Variants in PPP3CA observed in about 807,000 individuals in gnomAD.
PPP3CA encodes the protein CAM-PRP catalytic subunit.
PPP3CA carries 14 observed loss-of-function variants against 66.5 expected under a neutral mutation model. The observed-to-expected ratio is 0.21, with a 90% confidence interval of 0.14 to 0.33. The LOEUF (loss-of-function observed/expected upper bound fraction) is 0.33, where lower values mean the gene tolerates loss of function less well. PPP3CA is among the 10% of genes least tolerant of loss of function. PPP3CA has a pLI of 1.00. For synonymous variants in PPP3CA, 232 were observed against 226.2 expected (o/e 1.03, Z -0.23); for missense variants, 317 against 639.5 (o/e 0.50, Z 5.44).
At chr4:101,254,980 C>T (rs2583407) in intron 1 of PPP3CA, among the ~76,000 whole-genome samples, 65,565 of 146,196 alleles carry the variant, frequency 0.45, 18,235 homozygotes, top group African/African-American at 0.76. Context: ...AGTATGTGAA[C>T]GAAGGATGCC....
chr4:101,093,690 CATT>C (rs920889034), intron 6 of PPP3CA, 83 bp downstream of exon 6: 1 of 1,299,510 alleles, frequency 7.7e-7, no homozygotes, highest in Non-Finnish European at 1.0e-6. Context: ...GTAATACAAA[CATT>C]ATAAATAAAT....
At position 101,346,829 on chromosome 4, in the gene PPP3CA, C is replaced by T. The variant is rs760718644; in HGVS notation, c.-33G>A. ...TGCCGGAGGACAGCGACGCGCTGCT[C>T]GTCCGTCCGACTGCACACCCCGACC... On this transcript the variant is annotated 5_prime_UTR_variant, in exon 1 of 14. Coordinates refer to ENST00000394854, the MANE Select transcript of PPP3CA (RefSeq NM_000944.5). 8.7e-6 allele frequency: 14 copies of T among 1,601,462 alleles called. No homozygotes were observed. Among genetic ancestry groups the T allele is most frequent in the African/African-American group, 1.3e-5 (1 of 74,678 alleles).
At chr4:101,206,537 A>T (rs991526779) in intron 1 of PPP3CA, among the ~76,000 whole-genome samples, 1 of 152,240 alleles carries the variant, frequency 6.6e-6, no homozygotes, top group Non-Finnish European at 1.5e-5. Context: ...TTAAGGAAAG[A>T]GATTGCTGGA....
intron 1 of PPP3CA, among the ~76,000 whole-genome samples, chr4:101,315,830 G>C (rs969937496): frequency 2.6e-5 from 4 of 152,054 alleles, no homozygotes; most frequent in Non-Finnish European, 4.4e-5. Flanking sequence ...TTTCTGGTTG[G>C]GCCAGTACAG....
chr4:101,341,560 A>G (rs1393456396), intron 1 of PPP3CA, among the ~76,000 whole-genome samples: 1 of 152,190 alleles, frequency 6.6e-6, no homozygotes, highest in East Asian at 1.9e-4. Context: ...GCAGTGACTG[A>G]ATCGCCATTA....
chr4:101,036,658 C>T (rs945878337), intron 11 of PPP3CA, among the ~76,000 whole-genome samples: 1 of 152,134 alleles, frequency 6.6e-6, no homozygotes, highest in African/African-American at 2.4e-5. Flanking sequence ...ATGATCCACC[C>T]GCCTTGGCCT....
intron 8 of PPP3CA, among the ~76,000 whole-genome samples, chr4:101,068,042 G>C (rs900790261): frequency 6.6e-6 from 1 of 152,032 alleles, no homozygotes; most frequent in African/African-American, 2.4e-5. Context: ...TTTTAAGACA[G>C]GGGAGAAGAG....
chr4:101,117,334 A>G (rs1393851835), intron 2 of PPP3CA, among the ~76,000 whole-genome samples: 1 of 151,906 alleles, frequency 6.6e-6, no homozygotes, highest in Non-Finnish European at 1.5e-5. Flanking sequence ...CCAAGCATAT[A>G]CAATACCATC....
At chr4:101,088,932 T>A (rs1729792160) in intron 6 of PPP3CA, among the ~76,000 whole-genome samples, 1 of 152,164 alleles carries the variant, frequency 6.6e-6, no homozygotes, top group Admixed American at 6.5e-5. Flanking sequence ...TTAGTCTGCA[T>A]GGCTGGGAGA....
At chr4:101,220,695 G>A (rs1725598378) in intron 1 of PPP3CA, among the ~76,000 whole-genome samples, 1 of 145,022 alleles carries the variant, frequency 6.9e-6, no homozygotes, top group African/African-American at 2.7e-5. Flanking sequence ...TTCACCTGAG[G>A]ACAGTGTCTG....
At chr4:101,278,140 T>TAAAAA in intron 1 of PPP3CA, among the ~76,000 whole-genome samples, 1 of 118,768 alleles carries the variant, frequency 8.4e-6, no homozygotes, top group East Asian at 2.2e-4. Context: ...AAAAAAAAAA[T>TAAAAA]AAAAAAATTA....
chr4:101,280,413 AG>A (rs1380380593), intron 1 of PPP3CA, among the ~76,000 whole-genome samples: 8 of 152,210 alleles, frequency 5.3e-5, no homozygotes, highest in Non-Finnish European at 1.0e-4. Context: ...AACAAGGGAA[AG>A]CAAGAGTCTG....
chr4:101,126,101 T>C (rs1040753730), intron 2 of PPP3CA, among the ~76,000 whole-genome samples: 1 of 152,228 alleles, frequency 6.6e-6, no homozygotes, highest in Non-Finnish European at 1.5e-5. Flanking sequence ...GAATAATGCA[T>C]GAGTTAAATT....
intron 1 of PPP3CA, among the ~76,000 whole-genome samples, chr4:101,260,138 G>A (rs535883734): frequency 9.9e-5 from 15 of 152,022 alleles, no homozygotes; most frequent in Admixed American, 2.0e-4. Flanking sequence ...TTCTGAATAC[G>A]GGGCAAATCG....
At chr4:101,108,518 C>T (rs1332892685) in intron 3 of PPP3CA, among the ~76,000 whole-genome samples, 1 of 152,204 alleles carries the variant, frequency 6.6e-6, no homozygotes, top group Non-Finnish European at 1.5e-5. Flanking sequence ...GTAATCCCAA[C>T]ACTTTGGCAG....
chr4:101,043,657 G>A (rs796209209), intron 10 of PPP3CA, among the ~76,000 whole-genome samples: 11 of 152,062 alleles, frequency 7.2e-5, no homozygotes, highest in African/African-American at 2.2e-4. Context: ...GGCGGATCAC[G>A]AGGTTGGGAG....
intron 1 of PPP3CA, among the ~76,000 whole-genome samples, chr4:101,223,798 A>G (rs1455867008): frequency 6.6e-6 from 1 of 151,888 alleles, no homozygotes; most frequent in Non-Finnish European, 1.5e-5. Context: ...GAAACCACAT[A>G]TAATTTTTAA....
intron 1 of PPP3CA, among the ~76,000 whole-genome samples, chr4:101,320,247 A>C (rs1450647509): frequency 6.6e-6 from 1 of 151,820 alleles, no homozygotes; most frequent in African/African-American, 2.4e-5. Flanking sequence ...TTTTAAGTTT[A>C]TATTTGAGAT....
chr4:101,040,440 A>G (rs375961291), intron 11 of PPP3CA, 42 bp downstream of exon 11: 199 of 1,370,056 alleles, frequency 1.5e-4, no homozygotes, highest in Non-Finnish European at 1.8e-4. Context: ...TAGGTGACAC[A>G]TAATACAATT....
Sources: allele counts gnomAD v4.1 joint callset (sites outside exome capture counted in the v4.1 genomes callset), GRCh38; gene constraint gnomAD v4.1.1; transcripts MANE v1.5; gene names NCBI Gene and HGNC (gene_info 2026-07-23, HGNC 2026-07-21).